The following NFRKB variants were observed in gnomAD, a reference collection of about 807,000 sequenced individuals.
NFRKB encodes nuclear factor related to kappaB binding protein.
A neutral mutation model predicts 135.7 loss-of-function variants in NFRKB; 62 were observed. The observed-to-expected ratio is 0.46, with a 90% CI of 0.37 to 0.56. The LOEUF (loss-of-function observed/expected upper bound fraction) is 0.56, where lower values mean the gene tolerates loss of function less well. Among genes scored for constraint, NFRKB ranks in the 20% least tolerant of loss-of-function variants. The pLI is 0.00. For missense variants in NFRKB, 1,545 were observed against 1,662.0 expected (o/e 0.93, Z 1.22); for synonymous variants, 678 against 635.6 (o/e 1.07, Z -1.00).
In NFRKB at chr11:129,876,677, G is replaced by A. The variant is rs373549485; in HGVS notation, c.1747+44C>T. 3.3e-5 allele frequency: 52 copies of A among 1,558,746 alleles called. No homozygotes were observed. In the Middle Eastern group the frequency reaches 1.2e-3, roughly 37 times the overall value. On this transcript the variant is annotated intron_variant, in intron 17 of 26. Transcript: ENST00000682444. ...TCAGAGTTGGTAAGAGAAAAGCTGC[G>A]GGGTGAAGAAAGGGATCTCTGATAA...
rs1457481005 is a variant in NFRKB, at chr11:129,888,669, G to C, written c.262C>G (p.Leu88Val). 2 of 1,614,174 alleles carry C rather than the reference G, an allele frequency of 1.2e-6. No homozygotes were observed. The highest frequency in any genetic ancestry group is 1.7e-6 in the Non-Finnish European group (2 of 1,180,034). Residue 88 changes from leucine to valine, a missense_variant, in exon 4 of 27, where the codon CTC becomes GTC. Leu to Val is a conservative substitution (Grantham distance 32, BLOSUM62 1). Coordinates refer to ENST00000682444, the MANE Select transcript of NFRKB (RefSeq NM_001143835.2). ...TCCCCACTGAACAAGGCTAAGATGA[G>C]TTCATTCTGCTGCTCAGCACTGTCT... Reference protein sequence around the residue: ...PEDSAEQQNELILALFSGENF... With the variant: ...PEDSAEQQNEVILALFSGENF...
chr11:129,880,840 T>C (rs551000102), intron 13 of NFRKB, among the ~76,000 whole-genome samples: 5 of 152,294 alleles, frequency 3.3e-5, no homozygotes, highest in African/African-American at 1.2e-4. Context: ...ACCGTTTTCA[T>C]AACCTGCTCT....
Position 129,869,898 on chromosome 11 carries a change from T to C in NFRKB, c.3127A>G (p.Lys1043Glu). ...SSTPTGTTVV[K>E]VTPDLKPTEA... is the part of the protein sequence containing the mutation. The stretch of plus-strand genomic sequence containing the variant: ...GTTGGCTTGAGGTCAGGAGTCACTT[T>C]GACCACAGTGGTACCTGTTGGAGTG... The change falls in exon 24 of 27, where the codon AAA (lysine) becomes GAA (glutamate). Residue 1043 changes from lysine to glutamate, a missense_variant. Coordinates refer to ENST00000682444, the MANE Select transcript of NFRKB (RefSeq NM_001143835.2). 6.2e-7 allele frequency: 1 copy of C among 1,614,268 alleles called. No homozygotes were observed. Among genetic ancestry groups the C allele is most frequent in the African/African-American group, 1.3e-5 (1 of 75,074 alleles).
chr11:129,870,024 T>C lies in NFRKB; in HGVS notation c.3001A>G (p.Thr1001Ala), dbSNP rs1191827068. 3 of 1,614,248 alleles carry C rather than the reference T, an allele frequency of 1.9e-6. No individual in the cohort carries two copies. The highest frequency in any genetic ancestry group is 2.5e-6 in the Non-Finnish European group (3 of 1,180,038). The stretch of plus-strand genomic sequence containing the variant: ...GTGGCAGAGATGCCTTTGCCTGTAG[T>C]GTTGCCTCCTGTCCCGAAGAGGTCC... ...TQDLFGTGGN[T>A]TGKGISATLH... Residue 1001 changes from threonine to alanine, a missense_variant, in exon 24 of 27, where the codon ACT becomes GCT. Around this residue, in one of 3 missense-constraint regions of NFRKB, gnomAD observed 753 missense variants for 804.3 expected, o/e 0.94. Coordinates refer to ENST00000682444, the MANE Select transcript of NFRKB (RefSeq NM_001143835.2).
In NFRKB at chr11:129,893,087, C is replaced by G. The variant is rs1451846155; in HGVS notation, c.-21-217G>C. On this transcript the variant is annotated intron_variant, in intron 2 of 26. Transcript: ENST00000682444. ...CTGGAAGAGCTCTTTTCTCAGAATG[C>G]TCCTACAGTAACTCCTAAATTCATA... The G allele has an allele frequency of 2.1e-6, 3 of 1,411,582 alleles. No homozygotes were observed. In the Admixed American group the frequency reaches 8.7e-5, roughly 41 times the overall value. The allele number at this position is 1,411,582 out of a possible 1,614,324, so 87.4% of individuals were successfully genotyped here. A position where few individuals can be genotyped will look rare whatever the true frequency, so the allele number is the denominator to read the frequency against.
At chr11:129,877,285 T>C (rs773672980) in intron 16 of NFRKB, 40 bp downstream of exon 16, 18 of 1,596,594 alleles carry the variant, frequency 1.1e-5, no homozygotes, top group Non-Finnish European at 1.5e-5. Context: ...TCTGCATGGC[T>C]CACAGAGGCA....
rs1001253662 is a variant in NFRKB at position 129,894,452 on chromosome 11, T to C, written c.-101-14A>G. 4.6e-5 allele frequency: 7 copies of C among 152,222 alleles called. No individual in the cohort carries two copies. The highest frequency in any genetic ancestry group is 1.7e-4 in the African/African-American group (7 of 41,454). 9.4% of individuals were successfully genotyped at this position (152,222 alleles called of 1,614,324 possible). On this transcript the variant is annotated splice_polypyrimidine_tract_variant and intron_variant, in intron 1 of 26. Coordinates refer to ENST00000682444, the MANE Select transcript of NFRKB (RefSeq NM_001143835.2). ...AATTCTGGAATCCTGCAATGAATAATCTCTAGATGAGTGACAGTGTGAATT... is the reference window on the plus strand; with the variant it reads ...AATTCTGGAATCCTGCAATGAATAACCTCTAGATGAGTGACAGTGTGAATT...
chr11:129,891,289 G>A (rs1387446446), intron 3 of NFRKB, among the ~76,000 whole-genome samples: 4 of 152,162 alleles, frequency 2.6e-5, no homozygotes, highest in Non-Finnish European at 5.9e-5. Flanking sequence ...GCACCAATAC[G>A]CGCTGAATCT....
At position 129,868,450 on chromosome 11, in the gene NFRKB, G is replaced by A. The variant is rs374952713; in HGVS notation, c.3531+1044C>T. Among the ~76,000 whole-genome samples, 17 of 152,318 alleles carry A rather than the reference G, an allele frequency of 1.1e-4. 1 individual carries two copies. The East Asian group carries it at 1.2e-3, about 10-fold the overall frequency. On this transcript the variant is annotated intron_variant, in intron 24 of 26. Coordinates refer to ENST00000682444, the MANE Select transcript of NFRKB (RefSeq NM_001143835.2). ...AGACGTGGTATCAGCACTGCTTAAG[G>A]TCTAGGGGAAACAGGAGGCGTGCTG...
intron 3 of NFRKB, 45 bp from the exon 4 acceptor site, chr11:129,888,840 A>C: frequency 6.6e-7 from 1 of 1,508,482 alleles, no homozygotes; most frequent in East Asian, 2.3e-5. Context: ...TAAATTTTTG[A>C]GTTTTTTGTA....
Position 129,876,870 on chromosome 11 carries a change from T to C in NFRKB, c.1598A>G (p.His533Arg), listed in dbSNP as rs1948790346. 5 of 1,614,038 alleles carry C rather than the reference T, an allele frequency of 3.1e-6. No individual in the cohort carries two copies. Among genetic ancestry groups the C allele is most frequent in the Non-Finnish European group, 4.2e-6 (5 of 1,180,028 alleles). ...GTGCATGCGAAAGGTGAACGCCTTATGGGGTTGGCTATACCTGTAACGCTC... is the reference window on the plus strand; with the variant it reads ...GTGCATGCGAAAGGTGAACGCCTTACGGGGTTGGCTATACCTGTAACGCTC... Reference protein sequence around the residue: ...EQERYRYSQPHKAFTFRMHGF... With the variant: ...EQERYRYSQPRKAFTFRMHGF... Residue 533 changes from histidine to arginine, a missense_variant, in exon 17 of 27, where the codon CAT becomes CGT. His to Arg is a conservative substitution (Grantham distance 29). Transcript: ENST00000682444.
At chr11:129,890,343 T>C (rs1389671532) in intron 3 of NFRKB, among the ~76,000 whole-genome samples, 1 of 152,154 alleles carries the variant, frequency 6.6e-6, no homozygotes, top group East Asian at 1.9e-4. Context: ...GTGTCTGGCA[T>C]AGAGGCGCCT....
Position 129,883,213 on chromosome 11 carries a change from G to A in NFRKB, c.817-7C>T. ...TCAAAAGGTCCGGGTGATCCTAGAT[G>A]TGATATCCAGAATTTGGTCATGGAG... On this transcript the variant is annotated splice_polypyrimidine_tract_variant and splice_region_variant and intron_variant, in intron 8 of 26. Coordinates refer to ENST00000682444, the MANE Select transcript of NFRKB (RefSeq NM_001143835.2). 6.2e-7 allele frequency: 1 copy of A among 1,613,374 alleles called. No individual in the cohort carries two copies. Among genetic ancestry groups the A allele is most frequent in the Non-Finnish European group, 8.5e-7 (1 of 1,179,676 alleles).
chr11:129,892,951 A>G (rs1949624253), intron 2 of NFRKB, 81 bp from the exon 3 acceptor site: 2 of 1,600,184 alleles, frequency 1.2e-6, no homozygotes, highest in Admixed American at 3.3e-5. Flanking sequence ...CCAGGAAAAC[A>G]TTCAACCTCC....
chr11:129,874,489 G>T lies in NFRKB; in HGVS notation c.2058+12C>A, dbSNP rs199807988. 119 of 1,612,344 alleles carry T rather than the reference G, an allele frequency of 7.4e-5. No homozygotes were observed. The highest frequency in any genetic ancestry group is 3.3e-4 in the Middle Eastern group (2 of 6,040). On this transcript the variant is annotated intron_variant, in intron 20 of 26. Transcript: ENST00000682444. The surrounding 1 kb of genome is among the most constrained non-coding windows in gnomAD (Gnocchi z 4.5). ...GAATCCCTAGGGCAGACACTCTCCTGAAGTCACTTACCACCTTGGATGGGG... is the reference window on the plus strand; with the variant it reads ...GAATCCCTAGGGCAGACACTCTCCTTAAGTCACTTACCACCTTGGATGGGG...
intron 24 of NFRKB, among the ~76,000 whole-genome samples, chr11:129,868,021 T>TA (rs1162988385): frequency 1.3e-5 from 2 of 151,982 alleles, no homozygotes; most frequent in Non-Finnish European, 2.9e-5. Context: ...TTTTTTTTTT[T>TA]AAAACTCAAG....
At position 129,874,198 on chromosome 11, in the gene NFRKB, C is replaced by T. The variant is rs770552819; in HGVS notation, c.2194G>A (p.Ala732Thr). The change falls in exon 21 of 27, where the codon GCC becomes ACC. Residue 732 changes from alanine (A) to threonine (T), a missense_variant. Ala to Thr is a moderately conservative substitution (Grantham distance 58). Transcript: ENST00000682444. The surrounding 1 kb of genome is among the most constrained non-coding windows in gnomAD (Gnocchi z 4.5). ...PVTPTTPALP[A>T]IPISPPPVSA... ...ACAGGTGGAGGGGAGATGGGAATGG[C>T]GGGCAATGCTGGTGTGGTGGGGGTT... 1.4e-5 allele frequency: 21 copies of T among 1,519,404 alleles called. No homozygotes were observed. The highest frequency in any genetic ancestry group is 2.8e-5 in the African/African-American group (2 of 71,642). The allele number at this position is 1,519,404 out of a possible 1,614,324, so 94.1% of individuals were successfully genotyped here. A position where few individuals can be genotyped will look rare whatever the true frequency, so the allele number is the denominator to read the frequency against.
intron 23 of NFRKB, among the ~76,000 whole-genome samples, chr11:129,871,867 C>T (rs182081574): frequency 3.9e-5 from 6 of 152,308 alleles, no homozygotes; most frequent in East Asian, 1.9e-4. Context: ...TTTAAATTAA[C>T]GTCAAAGTCC....
At chr11:129,882,259 C>T (rs1051704042) in intron 10 of NFRKB, 65 bp from the exon 11 acceptor site, 32 of 1,440,654 alleles carry the variant, frequency 2.2e-5, no homozygotes, top group Middle Eastern at 1.8e-4. Flanking sequence ...TTGATTCAGG[C>T]GCCCAAGCCT....
Sources: gnomAD v4.1 joint callset for allele counts (sites outside exome capture counted in the v4.1 genomes callset) on GRCh38, gnomAD v4.1.1 for gene constraint, gnomAD v4.1.1 regional missense constraint, Gnocchi (gnomAD v3.1) non-coding constraint, MANE v1.5 for transcripts, NCBI Gene and HGNC (gene_info 2026-07-23, HGNC 2026-07-21) for gene names.